The following CCDC7 variants were observed in gnomAD, a reference collection of about 807,000 sequenced individuals.
The protein encoded by CCDC7 is coiled-coil domain-containing protein 7.
Under a neutral mutation model 196.9 loss-of-function variants are expected in CCDC7, and 183 were observed. The observed-to-expected ratio is 0.93, with a 90% confidence interval of 0.82 to 1.05. The LOEUF (loss-of-function observed/expected upper bound fraction) is 1.05. Ranked by LOEUF, CCDC7 falls within the 50% of genes least tolerant of loss-of-function variation. CCDC7 has a pLI of 0.00. For missense variants in CCDC7, 1,540 were observed against 1,482.2 expected (o/e 1.04, Z -0.64); for synonymous variants, 525 against 484.6 (o/e 1.08, Z -1.10).
intron 21 of CCDC7, 116 bp from the exon 23 acceptor site, chr10:32,685,854 A>T: frequency 1.7e-6 from 1 of 602,702 alleles, no homozygotes; most frequent in Non-Finnish European, 2.9e-6. Flanking sequence ...TTTAGTTATA[A>T]CTTTGTAGAA....
At chr10:32,838,421 T>A (rs968658864) in intron 33 of CCDC7, among the ~76,000 whole-genome samples, 2 of 151,946 alleles carry the variant, frequency 1.3e-5, no homozygotes, top group African/African-American at 4.8e-5. Context: ...TTTGAATTAA[T>A]CCATCAAACA....
chr10:32,789,265 G>A (rs2082325157), intron 29 of CCDC7, among the ~76,000 whole-genome samples: 1 of 152,088 alleles, frequency 6.6e-6, no homozygotes, highest in African/African-American at 2.4e-5. Context: ...CATAAATGGA[G>A]ATTTATAAAC....
intron 24 of CCDC7, among the ~76,000 whole-genome samples, chr10:32,708,891 A>C (rs2080294008): frequency 6.6e-6 from 1 of 152,240 alleles, no homozygotes; most frequent in East Asian, 1.9e-4. Flanking sequence ...AACTAGTTCA[A>C]CCATTGTGGA....
At chr10:32,594,501 G>A (rs1271214845) in intron 18 of CCDC7, among the ~76,000 whole-genome samples, 7 of 152,022 alleles carry the variant, frequency 4.6e-5, no homozygotes, top group African/African-American at 7.2e-5. Context: ...GCAAACAGGG[G>A]CAATTTGACT....
intron 41 of CCDC7, among the ~76,000 whole-genome samples, chr10:32,855,993 C>A (rs935476529): frequency 6.6e-6 from 1 of 152,094 alleles, no homozygotes; most frequent in Non-Finnish European, 1.5e-5. Context: ...ATAGTCTTTA[C>A]AACATATGAT....
Position 32,664,611 on chromosome 10 carries a change from G to A in CCDC7, c.2122+450G>A, listed in dbSNP as rs546126157. ...ATGCAGTATTTGTTTTTAGTGACTG[G>A]CTTACTTTATTTAACATTATGTTCT... On this transcript the variant is annotated intron_variant, in intron 21 of 41. Coordinates refer to ENST00000639629, the Ensembl canonical transcript of CCDC7. Among the ~76,000 whole-genome samples the A allele has an allele frequency of 7.2e-5, 11 of 151,962 alleles. No homozygotes were observed. The South Asian group carries it at 1.7e-3, about 23-fold the overall frequency.
At chr10:32,823,101 A>G (rs1349860139) in intron 31 of CCDC7, among the ~76,000 whole-genome samples, 1 of 152,126 alleles carries the variant, frequency 6.6e-6, no homozygotes, top group Admixed American at 6.6e-5. Context: ...TACTTTTACA[A>G]AATGTTGTTA....
At chr10:32,464,609 A>G (rs1205870794) in intron 5 of CCDC7, among the ~76,000 whole-genome samples, 1 of 152,112 alleles carries the variant, frequency 6.6e-6, no homozygotes, top group Non-Finnish European at 1.5e-5. Context: ...TCCCGGGCTC[A>G]GGTGATTCTC....
rs139788574 is a variant in CCDC7, at chr10:32,633,682, G to GTATATATATATATATATA, written c.1802-557_1802-556insATATATATATATATATAT. 1.3e-4 allele frequency among the ~76,000 whole-genome samples: 16 copies of GTATATATATATATATATA among 121,754 alleles called. No individual in the cohort carries two copies. The East Asian group carries it at 3.2e-3, about 24-fold the overall frequency. The allele number at this position is 121,754 out of a possible 152,430, so 79.9% of individuals were successfully genotyped here. Reference sequence around the variant, plus strand: ...TCTAATTCTATTGATTTAGCTTTGTGTATATATATATATATGTGTGTGTGT... The same window carrying GTATATATATATATATATA: ...TCTAATTCTATTGATTTAGCTTTGTGTATATATATATATATATATATATATATATATATGTGTGTGTGT... On this transcript the variant is annotated intron_variant, in intron 18 of 41. Coordinates refer to ENST00000639629, the Ensembl canonical transcript of CCDC7.
intron 21 of CCDC7, among the ~76,000 whole-genome samples, chr10:32,679,263 G>T (rs146581045): frequency 6.6e-6 from 1 of 152,076 alleles, no homozygotes; most frequent in Non-Finnish European, 1.5e-5. Flanking sequence ...TTCTGAAAAT[G>T]ACAGGTTCAA....
rs548500569 is a variant in CCDC7, at chr10:32,523,609, C to G, written c.993+5104C>G. On this transcript the variant is annotated intron_variant, in intron 11 of 41. Coordinates refer to ENST00000639629, the Ensembl canonical transcript of CCDC7. The stretch of plus-strand genomic sequence containing the variant: ...CAGCTATTATTGTATTGATATCTAT[C>G]TTTCTCTTTAGCTCTAATAATATTT... Among the ~76,000 whole-genome samples, 3 of 150,708 alleles carry G rather than the reference C, an allele frequency of 2.0e-5. No homozygotes were observed. In the East Asian group the frequency reaches 5.8e-4, roughly 29 times the overall value.
intron 30 of CCDC7, among the ~76,000 whole-genome samples, chr10:32,805,993 G>A (rs1283852598): frequency 1.3e-5 from 2 of 152,146 alleles, no homozygotes; most frequent in Non-Finnish European, 2.9e-5. Context: ...GAGAAAGAAG[G>A]GGGAAGGTGC....
chr10:32,513,160 T>C (rs2046488521), intron 9 of CCDC7: 1 of 152,118 alleles, frequency 6.6e-6, no homozygotes, highest in Non-Finnish European at 1.5e-5. Context: ...AAAGAACCTG[T>C]TTTTGTTAGT....
chr10:32,464,651 G>A (rs972401310), intron 5 of CCDC7, among the ~76,000 whole-genome samples: 18 of 151,986 alleles, frequency 1.2e-4, no homozygotes, highest in Admixed American at 1.1e-3. Context: ...CTGGGACCAC[G>A]GGCATGAGCC....
rs945798526 is a variant in CCDC7 at position 32,837,074 on chromosome 10, G to A, written c.3352+2176G>A. On this transcript the variant is annotated intron_variant, in intron 33 of 41. Coordinates refer to ENST00000639629, the Ensembl canonical transcript of CCDC7. ...GCAACAAAAGCCAAAATTGACAAAC[G>A]GGATCTAATTAAACTAAAGAGCTTC... is the stretch of plus-strand genomic sequence containing the variant. 5.3e-5 allele frequency among the ~76,000 whole-genome samples: 8 copies of A among 152,130 alleles called. No homozygotes were observed. In the East Asian group the frequency reaches 1.2e-3, roughly 22 times the overall value.
At chr10:32,682,764 C>T (rs2076010290) in intron 21 of CCDC7, among the ~76,000 whole-genome samples, 1 of 152,100 alleles carries the variant, frequency 6.6e-6, no homozygotes, top group South Asian at 2.1e-4. Context: ...AAGCATTTTT[C>T]CTATGCTTGT....
chr10:32,763,344 C>T (rs2077748013), intron 28 of CCDC7, among the ~76,000 whole-genome samples: 1 of 151,786 alleles, frequency 6.6e-6, no homozygotes, highest in African/African-American at 2.4e-5. Context: ...TGGCTATCAT[C>T]AAAAACATAA....
chr10:32,689,987 G>A (rs530003428), intron 23 of CCDC7, among the ~76,000 whole-genome samples: 9 of 152,072 alleles, frequency 5.9e-5, no homozygotes, highest in South Asian at 2.1e-4. Context: ...CACCCGCCTC[G>A]GCCTCCCAAA....
chr10:32,657,645 G>A (rs1470846950), intron 20 of CCDC7, among the ~76,000 whole-genome samples: 1 of 152,164 alleles, frequency 6.6e-6, no homozygotes, highest in East Asian at 1.9e-4. Context: ...CTAGGCCTCT[G>A]GGCCTGTGAT....
Sources: gnomAD v4.1 joint callset for allele counts (sites outside exome capture counted in the v4.1 genomes callset) on GRCh38, gnomAD v4.1.1 for gene constraint, MANE v1.5 for transcripts, NCBI Gene and HGNC (gene_info 2026-07-23, HGNC 2026-07-21) for gene names.